CEP41: variants seen among roughly 807,000 people sequenced by gnomAD.
The protein encoded by CEP41 is centrosomal protein of 41 kDa.
Under a neutral mutation model 44.3 loss-of-function variants are expected in CEP41, and 32 were observed. That is an observed-to-expected ratio of 0.72 (90% CI 0.54 to 0.97). The LOEUF is 0.97. Ranked by LOEUF, CEP41 falls within the 50% of genes least tolerant of loss-of-function variation. CEP41 has a pLI of 0.00. For missense variants in CEP41, 432 were observed against 455.2 expected (o/e 0.95, Z 0.46); for synonymous variants, 151 against 168.5 (o/e 0.90, Z 0.80).
At chr7:130,417,232 C>T (rs1797364871) in intron 2 of CEP41, 9 of 1,266,938 alleles carry the variant, frequency 7.1e-6, no homozygotes, top group Non-Finnish European at 9.0e-6. Context: ...CCAGGAGATA[C>T]AGATGATCAT....
At chr7:130,411,980 T>G (rs1797194976) in intron 4 of CEP41, 199 bp downstream of exon 4, 1 of 553,510 alleles carries the variant, frequency 1.8e-6, no homozygotes, top group African/African-American at 1.9e-5. Context: ...AGAATTCTTA[T>G]CAAAGAAGAG....
At position 130,395,283 on chromosome 7, in the gene CEP41, T is replaced by G. The variant is rs1436454800; in HGVS notation, c.*3608A>C. ...AAAATAATTGTTAGTGAAAAATTAA[T>G]GGACCTGCATGTAAGTACTCAACAT... On this transcript the variant is annotated 3_prime_UTR_variant, in exon 11 of 11. Coordinates refer to ENST00000223208, the MANE Select transcript of CEP41 (RefSeq NM_018718.3). The G allele has an allele frequency of 2.2e-6, 1 of 453,456 alleles. No homozygotes were observed. The highest frequency in any genetic ancestry group is 2.4e-5 in the Admixed American group (1 of 42,550). The allele number at this position is 453,456 out of a possible 1,614,324, so 28.1% of individuals were successfully genotyped here.
At chr7:130,406,587 AAAAT>A (rs1797016622) in intron 5 of CEP41, among the ~76,000 whole-genome samples, 1 of 152,214 alleles carries the variant, frequency 6.6e-6, no homozygotes, top group Non-Finnish European at 1.5e-5. Flanking sequence ...CCATCTCAAA[AAAAT>A]AAATAAATAA....
intron 5 of CEP41, among the ~76,000 whole-genome samples, chr7:130,406,821 C>T (rs1416280112): frequency 1.4e-5 from 2 of 147,968 alleles, no homozygotes; most frequent in African/African-American, 2.5e-5. Context: ...ATATACTCTC[C>T]GGTGGGGGGA....
intron 5 of CEP41, among the ~76,000 whole-genome samples, chr7:130,410,352 T>A (rs1797144594): frequency 6.6e-6 from 1 of 152,020 alleles, no homozygotes; most frequent in Admixed American, 6.6e-5. Context: ...CCTACCTTGG[T>A]CTTCTAACTG....
intron 9 of CEP41, 116 bp downstream of exon 9, chr7:130,400,591 G>T: frequency 1.3e-6 from 1 of 763,032 alleles, no homozygotes; most frequent in Non-Finnish European, 2.3e-6. Context: ...CAGCCAGCAT[G>T]GCTTTTTCTC....
intron 8 of CEP41, 120 bp from the exon 9 acceptor site, chr7:130,400,941 C>A: frequency 1.4e-6 from 1 of 712,670 alleles, no homozygotes; most frequent in South Asian, 1.5e-5. Flanking sequence ...GATGGACAAG[C>A]CCATTCCTAC....
Position 130,393,860 on chromosome 7 carries a change from A to G in CEP41, c.*5031T>C, listed in dbSNP as rs1382534628. On this transcript the variant is annotated 3_prime_UTR_variant, in exon 11 of 11. Transcript: ENST00000223208. ...CCCTACAATATAATTAAAAGTTTGT[A>G]ATTCTCATTCCTTAAGTGGTACTTT... 1.5e-5 allele frequency: 7 copies of G among 454,172 alleles called. No individual in the cohort carries two copies. Among genetic ancestry groups the G allele is most frequent in the African/African-American group, 1.2e-4 (6 of 50,140 alleles). The allele number at this position is 454,172 out of a possible 1,614,324, so 28.1% of individuals were successfully genotyped here.
chr7:130,427,256 G>A (rs1356987734), intron 2 of CEP41, among the ~76,000 whole-genome samples: 2 of 152,008 alleles, frequency 1.3e-5, no homozygotes, highest in Non-Finnish European at 2.9e-5. Context: ...ATTTTCCACA[G>A]CAGGCTTTAA....
chr7:130,403,951 G>A (rs1266068259), intron 6 of CEP41, among the ~76,000 whole-genome samples: 1 of 152,148 alleles, frequency 6.6e-6, no homozygotes, highest in Non-Finnish European at 1.5e-5. Flanking sequence ...TCAGTCAAAG[G>A]GATGGACATC....
At chr7:130,400,360 G>GC in intron 9 of CEP41, 106 bp from the exon 10 acceptor site, 1 of 797,260 alleles carries the variant, frequency 1.3e-6, no homozygotes, top group South Asian at 1.4e-5. Flanking sequence ...TCAAGTTGAG[G>GC]CCAACACAAG....
At position 130,399,819 on chromosome 7, in the gene CEP41, C is replaced by CA. The variant is rs34927892; in HGVS notation, c.973+219dup. The CA allele has an allele frequency of 0.5, 198,568 of 396,618 alleles. 26,821 individuals are homozygous for CA. The highest frequency in any genetic ancestry group is 0.57 in the Admixed American group (15,441 of 27,112). The allele number at this position is 396,618 out of a possible 1,614,324, so 24.6% of individuals were successfully genotyped here. A position where few individuals can be genotyped will look rare whatever the true frequency, so the allele number is the denominator to read the frequency against. On this transcript the variant is annotated intron_variant, in intron 10 of 10. Transcript: ENST00000223208. ...TGGGTGACAGAGCAAGACTCTGTCT[C>CA]AAAAAAAAAAAAAGTCGCTATGTTT...
chr7:130,440,734 G>A lies in CEP41; in HGVS notation c.33+200C>T, dbSNP rs1373734282. 9.4e-6 allele frequency: 6 copies of A among 635,366 alleles called. No homozygotes were observed. In the South Asian group the frequency reaches 1.1e-4, roughly 12 times the overall value. The allele number at this position is 635,366 out of a possible 1,614,324, so 39.4% of individuals were successfully genotyped here. On this transcript the variant is annotated intron_variant, in intron 1 of 10. Transcript: ENST00000223208. ...TGGCGTGCGTACGCGGGGAGAGATC[G>A]CTCCTCAAAACGGGGTCCTGAACGC...
In CEP41 at chr7:130,409,748, A is replaced by G. The variant is rs571488572; in HGVS notation, c.277+1374T>C. Among the ~76,000 whole-genome samples, 7 of 152,310 alleles carry G rather than the reference A, an allele frequency of 4.6e-5. No homozygotes were observed. In the East Asian group the frequency reaches 1.4e-3, roughly 29 times the overall value. ...CTCTCTGTATTCTTTTCATGAGAGTACAACTAGGAGGTTTTATTTTCAACT... is the reference window on the plus strand; with the variant it reads ...CTCTCTGTATTCTTTTCATGAGAGTGCAACTAGGAGGTTTTATTTTCAACT... On this transcript the variant is annotated intron_variant, in intron 5 of 10. Transcript: ENST00000223208.
At chr7:130,415,798 T>C (rs1189324121) in intron 3 of CEP41, among the ~76,000 whole-genome samples, 1 of 152,166 alleles carries the variant, frequency 6.6e-6, no homozygotes, top group African/African-American at 2.4e-5. Context: ...GAAGTGTAGG[T>C]GAGTAAATGC....
intron 1 of CEP41, among the ~76,000 whole-genome samples, chr7:130,429,296 G>A (rs1469277317): frequency 6.6e-6 from 1 of 152,104 alleles, no homozygotes; most frequent in Non-Finnish European, 1.5e-5. Flanking sequence ...GGCTCACCTG[G>A]GGCTCAGTTC....
chr7:130,396,467 C>A lies in CEP41; in HGVS notation c.*2424G>T. The A allele has an allele frequency of 2.2e-6, 1 of 454,504 alleles. No individual in the cohort carries two copies. Among genetic ancestry groups the A allele is most frequent in the Non-Finnish European group, 4.4e-6 (1 of 226,782 alleles). 28.2% of individuals were successfully genotyped at this position (454,504 alleles called of 1,614,324 possible). A position where few individuals can be genotyped will look rare whatever the true frequency, so the allele number is the denominator to read the frequency against. ...TCACACCAGTCTCCTGTGGCTCCCC[C>A]AAATCATCTCGACAGAAAAGAAGAG... On this transcript the variant is annotated 3_prime_UTR_variant, in exon 11 of 11. Transcript: ENST00000223208.
chr7:130,439,923 G>C (rs2117732253), intron 1 of CEP41, among the ~76,000 whole-genome samples: 1 of 152,282 alleles, frequency 6.6e-6, no homozygotes, highest in African/African-American at 2.4e-5. Context: ...CACTCCCTCA[G>C]TTGAGTACTA....
chr7:130,435,256 T>C (rs998350212), intron 1 of CEP41, among the ~76,000 whole-genome samples: 2 of 152,062 alleles, frequency 1.3e-5, no homozygotes, highest in South Asian at 4.2e-4. Context: ...GAATTATTCA[T>C]TAAAAGTATA....
Sources: allele counts gnomAD v4.1 joint callset (sites outside exome capture counted in the v4.1 genomes callset), GRCh38; gene constraint gnomAD v4.1.1; transcripts MANE v1.5; gene names NCBI Gene and HGNC (gene_info 2026-07-23, HGNC 2026-07-21).